Variants in PRICKLE2 observed in about 807,000 individuals in gnomAD.
The protein encoded by PRICKLE2 is prickle planar cell polarity protein 2.
PRICKLE2 carries 21 observed loss-of-function variants against 81.4 expected under a neutral mutation model. The observed-to-expected ratio is 0.26, with a 90% CI of 0.18 to 0.37. The LOEUF (loss-of-function observed/expected upper bound fraction) is 0.37. Ranked by LOEUF, PRICKLE2 falls within the 10% of genes least tolerant of loss-of-function variation. The pLI, the probability that PRICKLE2 is intolerant of heterozygous loss-of-function variation, is 1.00. For synonymous variants in PRICKLE2, 456 were observed against 421.5 expected, an observed-to-expected ratio of 1.08 and a Z score of -1.00; for missense variants, 940 against 1,109.0, an observed-to-expected ratio of 0.85 and a Z score of 2.16.
At chr3:64,168,592 A>G (rs39687) in intron 2 of PRICKLE2, among the ~76,000 whole-genome samples, 28,572 of 152,016 alleles carry the variant, frequency 0.19, 3,074 homozygotes, top group East Asian at 0.45. Flanking sequence ...CCTTCTGCAC[A>G]CTCTGGAGGT....
intron 7 of PRICKLE2, among the ~76,000 whole-genome samples, chr3:64,120,450 C>A (rs559362672): frequency 2.2e-4 from 34 of 152,178 alleles, no homozygotes; most frequent in African/African-American, 7.9e-4. Context: ...GAGCACCTTG[C>A]CCAAGGTCAT....
chr3:64,233,626 C>T (rs1488519919), intron 2 of PRICKLE2, among the ~76,000 whole-genome samples: 6 of 152,184 alleles, frequency 3.9e-5, no homozygotes, highest in South Asian at 2.1e-4. Flanking sequence ...TCATCCTTCC[C>T]GCATCTTACT....
rs1303957688 is a variant in PRICKLE2 at position 64,147,003 on chromosome 3, C to T, written c.1487G>A (p.Gly496Asp). The change falls in exon 7 of 8, where the codon GGC becomes GAC. Residue 496 changes from glycine (G) to aspartate (D), a missense_variant. Around this residue, in one of 2 missense-constraint regions of PRICKLE2, gnomAD observed 670 missense variants for 717.2 expected, o/e 0.93. Coordinates refer to ENST00000638394, the MANE Select transcript of PRICKLE2 (RefSeq NM_198859.4). This position sits in a 1 kb window ranked among gnomAD's most constrained non-coding sequence, Gnocchi z 5.0. ...MSSQSFSETR[G>D]SIQVPKYEEE... is the part of the protein sequence containing the mutation. Reference sequence around the variant, plus strand: ...CTCATATTTGGGGACTTGGATGCTGCCTCGGGTCTCACTGAAACTCTGACT... The same window carrying T: ...CTCATATTTGGGGACTTGGATGCTGTCTCGGGTCTCACTGAAACTCTGACT... 1 of 1,614,120 alleles carries T rather than the reference C, an allele frequency of 6.2e-7. No individual in the cohort carries two copies. Among genetic ancestry groups the T allele is most frequent in the South Asian group, 1.1e-5 (1 of 91,074 alleles).
At chr3:64,218,092 C>T (rs115732446) in intron 1 of PRICKLE2, among the ~76,000 whole-genome samples, 3,152 of 152,170 alleles carry the variant, frequency 0.021, 37 homozygotes, top group Non-Finnish European at 0.031. Flanking sequence ...AAAACCAAGA[C>T]GGATAATGAA....
intron 7 of PRICKLE2, chr3:64,146,436 A>G: frequency 4.1e-6 from 1 of 241,582 alleles, no homozygotes; most frequent in South Asian, 5.7e-5. Flanking sequence ...CACGTGGCAG[A>G]AACAACATTA....
At chr3:64,143,267 G>A (rs955765353) in intron 7 of PRICKLE2, among the ~76,000 whole-genome samples, 4 of 152,110 alleles carry the variant, frequency 2.6e-5, no homozygotes, top group Admixed American at 6.5e-5. Context: ...ATTTTAATTC[G>A]TTTAAATTTC....
intron 2 of PRICKLE2, among the ~76,000 whole-genome samples, chr3:64,170,438 G>A (rs1038429561): frequency 2.6e-5 from 4 of 152,122 alleles, no homozygotes; most frequent in Non-Finnish European, 5.9e-5. Context: ...CTAAGTGCTC[G>A]CCTGAGCTAT....
chr3:64,145,913 C>T (rs1035668181), intron 7 of PRICKLE2: 11 of 152,062 alleles, frequency 7.2e-5, no homozygotes, highest in African/African-American at 2.4e-4. Context: ...ACTCTCATGA[C>T]TTAATCACCT....
At chr3:64,228,275 G>T (rs2107157979), upstream of PRICKLE2, among the ~76,000 whole-genome samples, 1 of 152,288 alleles carries the variant, frequency 6.6e-6, no homozygotes, top group East Asian at 1.9e-4. Context: ...AATTAAGTAG[G>T]CAATTAGAGT....
At chr3:64,233,860 C>T (rs992108645) in intron 2 of PRICKLE2, among the ~76,000 whole-genome samples, 1 of 152,190 alleles carries the variant, frequency 6.6e-6, no homozygotes, top group African/African-American at 2.4e-5. Context: ...CAGGCCTAGG[C>T]AAACACTAAT....
At chr3:64,163,524 G>A in intron 2 of PRICKLE2, 2 of 294,730 alleles carry the variant, frequency 6.8e-6, no homozygotes, top group Non-Finnish European at 6.6e-6. Context: ...GGATATGTCA[G>A]CACCTGCCTC....
intron 2 of PRICKLE2, among the ~76,000 whole-genome samples, chr3:64,186,174 C>T (rs1256465007): frequency 6.6e-6 from 1 of 152,116 alleles, no homozygotes; most frequent in African/African-American, 2.4e-5. Context: ...TATCCATGTA[C>T]CTGTGGATAG....
At chr3:64,163,522 C>A in intron 2 of PRICKLE2, 1 of 297,448 alleles carries the variant, frequency 3.4e-6, no homozygotes, top group South Asian at 3.6e-5. Context: ...AGGGATATGT[C>A]AGCACCTGCC....
At chr3:64,103,001 CA>C (rs1459253609) in intron 7 of PRICKLE2, 1 of 152,048 alleles carries the variant, frequency 6.6e-6, no homozygotes, top group Non-Finnish European at 1.5e-5. Flanking sequence ...CATGAAAGAA[CA>C]AATGTGGCAA....
At chr3:64,222,864 G>A (rs890922701) in intron 1 of PRICKLE2, among the ~76,000 whole-genome samples, 2 of 152,302 alleles carry the variant, frequency 1.3e-5, no homozygotes, top group Non-Finnish European at 2.9e-5. Context: ...CTGGGACCCC[G>A]CAGCTTTCTA....
At chr3:64,132,392 C>A (rs2077209510) in intron 7 of PRICKLE2, among the ~76,000 whole-genome samples, 1 of 152,154 alleles carries the variant, frequency 6.6e-6, no homozygotes, top group Non-Finnish European at 1.5e-5. Context: ...TGTCCTGGCT[C>A]CCTCCTGCTA....
chr3:64,261,980 T>C (rs947156499), intron 2 of PRICKLE2, among the ~76,000 whole-genome samples: 16 of 152,312 alleles, frequency 1.1e-4, no homozygotes, highest in African/African-American at 3.4e-4. Context: ...GGACTAAAGT[T>C]GGACCTGTGG....
chr3:64,266,416 G>A (rs1392754411), intron 2 of PRICKLE2, among the ~76,000 whole-genome samples: 1 of 152,140 alleles, frequency 6.6e-6, no homozygotes, highest in East Asian at 1.9e-4. Context: ...AGTTTCTCCT[G>A]GCAGGTTCTC....
chr3:64,143,602 G>A (rs1296554410), intron 7 of PRICKLE2, among the ~76,000 whole-genome samples: 2 of 152,244 alleles, frequency 1.3e-5, no homozygotes, highest in Non-Finnish European at 2.9e-5. Flanking sequence ...GACAAACCCA[G>A]GCACATCTCC....
Sources: allele counts gnomAD v4.1 joint callset (sites outside exome capture counted in the v4.1 genomes callset), GRCh38; gene constraint gnomAD v4.1.1; regional missense constraint gnomAD v4.1.1; non-coding constraint Gnocchi (gnomAD v3.1); transcripts MANE v1.5; gene names NCBI Gene and HGNC (gene_info 2026-07-23, HGNC 2026-07-21).